Variants in FRMD4A observed in about 807,000 individuals in gnomAD.
FRMD4A encodes FERM domain-containing protein 4A.
FRMD4A carries 29 observed loss-of-function variants against 129.1 expected under a neutral mutation model. The observed-to-expected ratio is 0.22, with a 90% CI of 0.17 to 0.31. FRMD4A has a LOEUF of 0.31. Ranked by LOEUF, FRMD4A falls within the 10% of genes least tolerant of loss-of-function variation. FRMD4A has a pLI of 1.00. For synonymous variants in FRMD4A, 634 were observed against 571.6 expected (o/e 1.11, Z -1.56); for missense variants, 1,272 against 1,375.8 (o/e 0.92, Z 1.19).
chr10:13,820,810 C>T (rs2093619193), intron 3 of FRMD4A, among the ~76,000 whole-genome samples: 1 of 152,214 alleles, frequency 6.6e-6, no homozygotes, highest in Non-Finnish European at 1.5e-5. Context: ...CTGCCCGGGA[C>T]CCCGGGACCT....
chr10:14,252,292 G>C (rs1055464515), intron 2 of FRMD4A, among the ~76,000 whole-genome samples: 5 of 152,126 alleles, frequency 3.3e-5, no homozygotes, highest in African/African-American at 1.2e-4. Context: ...ATGAACATAT[G>C]AACGTTGAAG....
At chr10:14,179,377 C>G (rs1413137351) in intron 2 of FRMD4A, among the ~76,000 whole-genome samples, 1 of 152,154 alleles carries the variant, frequency 6.6e-6, no homozygotes, top group Non-Finnish European at 1.5e-5. Context: ...AAATTGTAGG[C>G]TTTGGGATGA....
At chr10:14,219,735 G>C (rs1247894034) in intron 2 of FRMD4A, among the ~76,000 whole-genome samples, 1 of 152,126 alleles carries the variant, frequency 6.6e-6, no homozygotes, top group Non-Finnish European at 1.5e-5. Flanking sequence ...AAGTGCCCAG[G>C]GCAAGCTGGG....
chr10:14,314,425 G>C (rs1046046665), intron 2 of FRMD4A, among the ~76,000 whole-genome samples: 13 of 152,274 alleles, frequency 8.5e-5, no homozygotes, highest in Non-Finnish European at 1.2e-4. Flanking sequence ...CTGGTGAGGG[G>C]TTATGGGAGG....
At chr10:14,147,342 G>T (rs1840123966) in intron 2 of FRMD4A, among the ~76,000 whole-genome samples, 1 of 152,172 alleles carries the variant, frequency 6.6e-6, no homozygotes, top group Non-Finnish European at 1.5e-5. Context: ...CTGGTAATCA[G>T]TGGTCCCTGA....
At chr10:14,157,303 C>T (rs978918384) in intron 2 of FRMD4A, among the ~76,000 whole-genome samples, 3 of 152,318 alleles carry the variant, frequency 2.0e-5, no homozygotes, top group Admixed American at 1.3e-4. Flanking sequence ...ACCTACAGCT[C>T]TCTGGCTCCT....
intron 3 of FRMD4A, among the ~76,000 whole-genome samples, chr10:13,833,875 G>C (rs1217364823): frequency 6.6e-6 from 1 of 152,124 alleles, no homozygotes; most frequent in Non-Finnish European, 1.5e-5. Flanking sequence ...CTGACCCAGA[G>C]GCAGGGTCTG....
At chr10:13,967,545 AAAAAAC>A (rs1222901190) in intron 2 of FRMD4A, among the ~76,000 whole-genome samples, 1 of 152,218 alleles carries the variant, frequency 6.6e-6, no homozygotes, top group African/African-American at 2.4e-5. Flanking sequence ...AGAAATTTTA[AAAAAAC>A]AAAAACAAAA....
intron 2 of FRMD4A, among the ~76,000 whole-genome samples, chr10:14,045,242 G>C (rs1833940107): frequency 1.3e-5 from 2 of 152,126 alleles, no homozygotes; most frequent in Admixed American, 1.3e-4. Flanking sequence ...CTGTAGCCTA[G>C]CAAAACTGCT....
chr10:14,216,832 A>C (rs564467535), intron 2 of FRMD4A, among the ~76,000 whole-genome samples: 28 of 152,206 alleles, frequency 1.8e-4, no homozygotes, highest in African/African-American at 6.7e-4. Context: ...TGTGTAGGCA[A>C]GGAGGGTCTC....
intron 2 of FRMD4A, among the ~76,000 whole-genome samples, chr10:13,897,802 G>A (rs1015395012): frequency 2.0e-5 from 3 of 151,856 alleles, no homozygotes; most frequent in African/African-American, 4.8e-5. Flanking sequence ...GCCGGGTGTG[G>A]TTGCAGCTGC....
At chr10:14,053,785 G>A (rs997514907) in intron 2 of FRMD4A, among the ~76,000 whole-genome samples, 1 of 152,088 alleles carries the variant, frequency 6.6e-6, no homozygotes, top group South Asian at 2.1e-4. Context: ...TTGGGAGGCC[G>A]AGGTGAGGTA....
At chr10:14,095,680 C>T (rs1438154407) in intron 2 of FRMD4A, among the ~76,000 whole-genome samples, 1 of 152,198 alleles carries the variant, frequency 6.6e-6, no homozygotes, top group African/African-American at 2.4e-5. Context: ...ATCGAATCCA[C>T]GTTCAATAGG....
rs144681189 is a variant in FRMD4A at position 14,217,495 on chromosome 10, T to C, written c.45+112563A>G. Among the ~76,000 whole-genome samples the C allele has an allele frequency of 2.7e-3, 416 of 152,308 alleles. 3 individuals are homozygous for C. Among genetic ancestry groups the C allele is most frequent in the African/African-American group, 9.0e-3 (373 of 41,568 alleles). Reference sequence around the variant, plus strand: ...TCTGCTGCCATGAAAGATGTACCTTTCACCTTCTGCCATGATTGTCAGGCC... The same window carrying C: ...TCTGCTGCCATGAAAGATGTACCTTCCACCTTCTGCCATGATTGTCAGGCC... On this transcript the variant is annotated intron_variant, in intron 2 of 24. Transcript: ENST00000357447.
At chr10:14,190,474 C>T (rs1004935067) in intron 2 of FRMD4A, among the ~76,000 whole-genome samples, 3 of 152,174 alleles carry the variant, frequency 2.0e-5, no homozygotes, top group African/African-American at 7.2e-5. Context: ...AAGGCTCTAG[C>T]GATCCTGCCT....
Position 14,174,388 on chromosome 10 carries a change from C to T in FRMD4A, c.45+155670G>A, listed in dbSNP as rs72778623. On this transcript the variant is annotated intron_variant, in intron 2 of 24. Coordinates refer to ENST00000357447, the MANE Select transcript of FRMD4A (RefSeq NM_018027.5). The stretch of plus-strand genomic sequence containing the variant: ...CAAATGATCTCTGTCTTAGGTAACG[C>T]ATTTGAACCAAGAACAGTGATCTGT... 4.4e-3 allele frequency among the ~76,000 whole-genome samples: 675 copies of T among 152,314 alleles called. 1 individual carries two copies. Among genetic ancestry groups the T allele is most frequent in the Non-Finnish European group, 7.4e-3 (503 of 68,034 alleles).
intron 2 of FRMD4A, among the ~76,000 whole-genome samples, chr10:14,319,553 G>A (rs1382557192): frequency 1.3e-5 from 2 of 152,016 alleles, no homozygotes; most frequent in African/African-American, 4.8e-5. Flanking sequence ...TCTTCAATGG[G>A]GCCATGCGGC....
chr10:14,078,860 T>C (rs1338166863), intron 2 of FRMD4A, among the ~76,000 whole-genome samples: 2 of 152,192 alleles, frequency 1.3e-5, no homozygotes, highest in African/African-American at 4.8e-5. Context: ...GACTGGTACA[T>C]CTGCCTTAGT....
intron 6 of FRMD4A, among the ~76,000 whole-genome samples, chr10:13,771,742 GC>G (rs1408082754): frequency 6.6e-6 from 1 of 152,086 alleles, no homozygotes; most frequent in Non-Finnish European, 1.5e-5. Flanking sequence ...GAAGGTTAGT[GC>G]TTTTAGACGA....
Sources: gnomAD v4.1 joint callset for allele counts (sites outside exome capture counted in the v4.1 genomes callset) on GRCh38, gnomAD v4.1.1 for gene constraint, MANE v1.5 for transcripts, NCBI Gene and HGNC (gene_info 2026-07-23, HGNC 2026-07-21) for gene names.